PLS1: variants seen among roughly 807,000 people sequenced by gnomAD.
PLS1 encodes plastin 1, also known as plastin-1.
In PLS1, 32 loss-of-function variants were observed where a neutral mutation model predicts 73.7. The observed-to-expected ratio is 0.43, with a 90% CI of 0.33 to 0.58. PLS1 has a LOEUF of 0.58. Among genes scored for constraint, PLS1 ranks in the 20% least tolerant of loss-of-function variants. The pLI, the probability that PLS1 is intolerant of heterozygous loss-of-function variation, is 0.04. For synonymous variants in PLS1, 217 were observed against 261.3 expected, an observed-to-expected ratio of 0.83 and a Z score of 1.63; for missense variants, 633 against 740.5, an observed-to-expected ratio of 0.85 and a Z score of 1.68.
chr3:142,704,327 G>A, intron 13 of PLS1, 136 bp from the exon 14 acceptor site: 1 of 699,392 alleles, frequency 1.4e-6, no homozygotes, highest in Non-Finnish European at 2.3e-6. Context: ...GTAACTGGGT[G>A]CAAATGCCAG....
intron 2 of PLS1, among the ~76,000 whole-genome samples, chr3:142,668,113 T>C (rs1194926517): frequency 6.6e-6 from 1 of 152,208 alleles, no homozygotes; most frequent in Non-Finnish European, 1.5e-5. Flanking sequence ...TATTAGCAGA[T>C]GAGCAAAGAG....
chr3:142,680,558 T>G (rs1380230637), intron 6 of PLS1, among the ~76,000 whole-genome samples: 1 of 152,168 alleles, frequency 6.6e-6, no homozygotes, highest in Non-Finnish European at 1.5e-5. Flanking sequence ...ACACTGCAGT[T>G]TTATCATTTC....
At chr3:142,687,690 C>A (rs561689904) in intron 9 of PLS1, among the ~76,000 whole-genome samples, 6 of 152,166 alleles carry the variant, frequency 3.9e-5, no homozygotes, top group Admixed American at 1.3e-4. Context: ...CTATTTCTCT[C>A]CTCTCCTATA....
chr3:142,612,773 A>G (rs1054958891), intron 1 of PLS1, among the ~76,000 whole-genome samples: 1 of 152,018 alleles, frequency 6.6e-6, no homozygotes, highest in Non-Finnish European at 1.5e-5. Flanking sequence ...TTTTATATTT[A>G]ATTTTTATTT....
At chr3:142,654,308 C>T (rs910761674) in intron 1 of PLS1, among the ~76,000 whole-genome samples, 4 of 152,136 alleles carry the variant, frequency 2.6e-5, no homozygotes, top group Non-Finnish European at 4.4e-5. Context: ...AAGGCTATAT[C>T]ATTAACTCCT....
At chr3:142,707,503 G>A (rs1466642945) in intron 14 of PLS1, among the ~76,000 whole-genome samples, 1 of 152,160 alleles carries the variant, frequency 6.6e-6, no homozygotes, top group African/African-American at 2.4e-5. Flanking sequence ...GTGAGCATTA[G>A]AGAAGTTAAG....
At chr3:142,634,065 G>T (rs2036624663) in intron 1 of PLS1, among the ~76,000 whole-genome samples, 1 of 152,194 alleles carries the variant, frequency 6.6e-6, no homozygotes, top group African/African-American at 2.4e-5. Flanking sequence ...ATTAAGGGCA[G>T]ATTAGACATT....
intron 1 of PLS1, among the ~76,000 whole-genome samples, chr3:142,609,230 CTG>C (rs1351377905): frequency 6.6e-6 from 1 of 152,316 alleles, no homozygotes; most frequent in Non-Finnish European, 1.5e-5. Flanking sequence ...ATAGAGTAGT[CTG>C]TGCTGCAGTA....
At chr3:142,672,318 T>C (rs1005592134) in intron 4 of PLS1, among the ~76,000 whole-genome samples, 7 of 151,520 alleles carry the variant, frequency 4.6e-5, no homozygotes, top group African/African-American at 1.7e-4. Context: ...AAGATACTTG[T>C]AGTAAAGTGC....
At chr3:142,709,463 A>G (rs1013245183) in intron 14 of PLS1, among the ~76,000 whole-genome samples, 8 of 152,226 alleles carry the variant, frequency 5.3e-5, no homozygotes, top group African/African-American at 1.9e-4. Context: ...TCATAAAATG[A>G]ACATTCCTGC....
intron 1 of PLS1, among the ~76,000 whole-genome samples, chr3:142,621,067 T>G (rs1253390336): frequency 6.6e-6 from 1 of 152,084 alleles, no homozygotes; most frequent in Non-Finnish European, 1.5e-5. Flanking sequence ...CACCATACAC[T>G]TGGCCCTGAT....
rs2038411609 is a variant in PLS1, at chr3:142,704,581, T to C, written c.1624T>C (p.Phe542Leu). Residue 542 changes from phenylalanine to leucine, a missense_variant, in exon 14 of 16, where the codon TTC becomes CTC. Transcript: ENST00000457734. ...SANKKTSISS[F>L]KDKSISTSLP... ...AAACAAAAAGACTTCTATTTCCAGC[T>C]TCAAGGTAATCAAGAGTCCTAAAAA... The C allele has an allele frequency of 2.5e-6, 4 of 1,574,716 alleles. No homozygotes were observed. The highest frequency in any genetic ancestry group is 3.4e-6 in the Non-Finnish European group (4 of 1,159,722).
At chr3:142,629,485 G>A (rs546491933) in intron 1 of PLS1, among the ~76,000 whole-genome samples, 8 of 152,314 alleles carry the variant, frequency 5.3e-5, no homozygotes, top group African/African-American at 1.4e-4. Flanking sequence ...ACAGGCGTGA[G>A]CCACTGTGCC....
chr3:142,670,171 G>A (rs937110600), intron 3 of PLS1, among the ~76,000 whole-genome samples: 1 of 152,210 alleles, frequency 6.6e-6, no homozygotes, highest in Non-Finnish European at 1.5e-5. Context: ...TGAAGACTGT[G>A]ATGTGTTCTG....
rs765704001 is a variant in PLS1, at chr3:142,664,277, G to A, written c.40G>A (p.Glu14Lys). 1.3e-6 allele frequency: 2 copies of A among 1,592,166 alleles called. No homozygotes were observed. The highest frequency in any genetic ancestry group is 2.2e-5 in the South Asian group (2 of 90,228). The change falls in exon 2 of 16, where the codon GAA (glutamate) becomes AAA (lysine). Residue 14 changes from glutamate to lysine, a missense_variant. Coordinates refer to ENST00000457734, the MANE Select transcript of PLS1 (RefSeq NM_001145319.2). ...STTTISREEL[E>K]ELQEAFNKID... is the part of the protein sequence containing the mutation. ...TACTACCATTTCTCGGGAGGAGCTTGAAGAACTACAAGAGGCATTTAATAA... is the reference window on the plus strand; with the variant it reads ...TACTACCATTTCTCGGGAGGAGCTTAAAGAACTACAAGAGGCATTTAATAA...
chr3:142,657,900 G>T (rs906350711), intron 1 of PLS1, among the ~76,000 whole-genome samples: 4 of 152,134 alleles, frequency 2.6e-5, no homozygotes, highest in Admixed American at 6.5e-5. Context: ...AAGTAGTTAA[G>T]TTTCCTAAAG....
intron 12 of PLS1, among the ~76,000 whole-genome samples, chr3:142,699,320 G>T (rs987402660): frequency 8.5e-5 from 13 of 152,096 alleles, no homozygotes; most frequent in Admixed American, 7.9e-4. Flanking sequence ...TTAGCCAGGC[G>T]TAGTGGTGGG....
intron 1 of PLS1, chr3:142,623,640 T>A (rs2036359795): frequency 6.6e-6 from 1 of 152,198 alleles, no homozygotes; most frequent in Admixed American, 6.5e-5. Flanking sequence ...AATTGTTAAA[T>A]TGAGATAAAC....
intron 1 of PLS1, among the ~76,000 whole-genome samples, chr3:142,662,591 C>T (rs2037395131): frequency 1.3e-5 from 2 of 152,028 alleles, no homozygotes; most frequent in Non-Finnish European, 2.9e-5. Flanking sequence ...AGTTGCATTG[C>T]TAGATATCAG....
Sources: gnomAD v4.1 joint callset for allele counts (sites outside exome capture counted in the v4.1 genomes callset) on GRCh38, gnomAD v4.1.1 for gene constraint, MANE v1.5 for transcripts, NCBI Gene and HGNC (gene_info 2026-07-23, HGNC 2026-07-21) for gene names.